ITGA9: variants seen among roughly 807,000 people sequenced by gnomAD.
ITGA9 encodes the protein integrin subunit alpha 9.
ITGA9 carries 56 observed loss-of-function variants against 127.8 expected under a neutral mutation model. The observed-to-expected ratio is 0.44, with a 90% CI of 0.35 to 0.55. ITGA9 has a LOEUF of 0.55. ITGA9 is among the 20% of genes least tolerant of loss of function. The pLI is 0.00. For missense variants in ITGA9, 1,196 were observed against 1,347.1 expected, an observed-to-expected ratio of 0.89 and a Z score of 1.76; for synonymous variants, 508 against 514.5, an observed-to-expected ratio of 0.99 and a Z score of 0.17.
chr3:37,697,305 CTGTTAT>C (rs1249970005), intron 18 of ITGA9, among the ~76,000 whole-genome samples: 5 of 117,720 alleles, frequency 4.2e-5, no homozygotes, highest in Non-Finnish European at 5.2e-5. Context: ...ACGACTACTT[CTGTTAT>C]TATTATTATT....
Position 37,732,714 on chromosome 3 carries a change from G to A in ITGA9, c.2070G>A (p.Glu690=). 1 of 1,607,016 alleles carries A rather than the reference G, an allele frequency of 6.2e-7. No individual in the cohort carries two copies. The highest frequency in any genetic ancestry group is 1.3e-5 in the African/African-American group (1 of 74,990). Residue 690 remains glutamate, a splice_region_variant and synonymous_variant, in exon 19 of 28, where the codon GAG becomes GAA. Transcript: ENST00000264741. ...TCTGTTGGTGCTTTTTCTTTCAGGA[G>A]GAGATGGGCATCTCCTGTGAGCTGC... ...ELFFINMWQK[E]EMGISCELLE...
At chr3:37,804,551 C>T (rs201391848) in intron 27 of ITGA9, among the ~76,000 whole-genome samples, 2 of 152,172 alleles carry the variant, frequency 1.3e-5, no homozygotes, top group Non-Finnish European at 2.9e-5. Context: ...TTCAGAGACC[C>T]GGAGTCCTTT....
chr3:37,633,032 AAACTCTGGAACT>A (rs1347759917), intron 16 of ITGA9, among the ~76,000 whole-genome samples: 2 of 152,344 alleles, frequency 1.3e-5, no homozygotes, highest in African/African-American at 2.4e-5. Context: ...GGGATACAAG[AAACTCTGGAACT>A]AACTCTCAAA....
chr3:37,627,789 C>A (rs1700190457), intron 15 of ITGA9, among the ~76,000 whole-genome samples: 1 of 152,120 alleles, frequency 6.6e-6, no homozygotes, highest in Admixed American at 6.5e-5. Flanking sequence ...TGCTGTATGT[C>A]ATCAAAAAGA....
At chr3:37,552,750 C>T (rs936008241) in intron 15 of ITGA9, among the ~76,000 whole-genome samples, 4 of 152,168 alleles carry the variant, frequency 2.6e-5, no homozygotes, top group Non-Finnish European at 4.4e-5. Flanking sequence ...TGTGGTGGCT[C>T]ACGCCTGTAA....
intron 23 of ITGA9, among the ~76,000 whole-genome samples, chr3:37,758,476 A>T (rs923471202): frequency 5.3e-5 from 8 of 151,130 alleles, no homozygotes; most frequent in African/African-American, 2.0e-4. Context: ...ATTATTATTA[A>T]TAATAAAAGG....
At chr3:37,774,197 T>C (rs1168878628) in intron 23 of ITGA9, among the ~76,000 whole-genome samples, 1 of 152,216 alleles carries the variant, frequency 6.6e-6, no homozygotes, top group African/African-American at 2.4e-5. Context: ...CATCAACAGC[T>C]TACGTATTGC....
At chr3:37,698,622 T>G (rs1032796607) in intron 18 of ITGA9, among the ~76,000 whole-genome samples, 1 of 152,226 alleles carries the variant, frequency 6.6e-6, no homozygotes, top group African/African-American at 2.4e-5. Context: ...TTATCTTTTG[T>G]GAATAAGGAT....
At chr3:37,591,083 A>T (rs929288652) in intron 15 of ITGA9, among the ~76,000 whole-genome samples, 3 of 151,966 alleles carry the variant, frequency 2.0e-5, no homozygotes, top group African/African-American at 4.8e-5. Context: ...GGAAACTTCC[A>T]TGCCACCCCT....
intron 17 of ITGA9, among the ~76,000 whole-genome samples, chr3:37,682,210 C>T (rs1239282414): frequency 1.3e-5 from 2 of 152,242 alleles, no homozygotes; most frequent in African/African-American, 4.8e-5. Flanking sequence ...TGTCTGTCCT[C>T]ATTGCTTCCA....
At chr3:37,555,069 T>G (rs537411927) in intron 15 of ITGA9, among the ~76,000 whole-genome samples, 1 of 152,210 alleles carries the variant, frequency 6.6e-6, no homozygotes, top group Non-Finnish European at 1.5e-5. Flanking sequence ...ACTCCAACAC[T>G]AAGAGCATCT....
At chr3:37,564,211 A>G (rs1699523484) in intron 15 of ITGA9, among the ~76,000 whole-genome samples, 3 of 152,210 alleles carry the variant, frequency 2.0e-5, no homozygotes. Flanking sequence ...TTTTCTATGA[A>G]TAACTTGGCT....
intron 26 of ITGA9, among the ~76,000 whole-genome samples, chr3:37,788,930 G>C (rs1201119607): frequency 6.6e-6 from 1 of 152,134 alleles, no homozygotes; most frequent in Non-Finnish European, 1.5e-5. Flanking sequence ...GTTTGTCAAA[G>C]CAGAAATGCC....
At chr3:37,494,262 G>T (rs929243764) in intron 4 of ITGA9, among the ~76,000 whole-genome samples, 2 of 152,292 alleles carry the variant, frequency 1.3e-5, no homozygotes, top group South Asian at 4.1e-4. Context: ...TCGCACACGA[G>T]GGGAGGAAGT....
At chr3:37,716,943 T>A (rs1218893994) in intron 18 of ITGA9, among the ~76,000 whole-genome samples, 1 of 152,202 alleles carries the variant, frequency 6.6e-6, no homozygotes, top group Non-Finnish European at 1.5e-5. Flanking sequence ...CTTGTAAAAC[T>A]GTCTTGCCCT....
At chr3:37,770,588 C>T (rs1043092616) in intron 23 of ITGA9, among the ~76,000 whole-genome samples, 5 of 152,222 alleles carry the variant, frequency 3.3e-5, no homozygotes, top group East Asian at 3.8e-4. Context: ...GACTTCCCTT[C>T]TCCACCTGGG....
rs1697502681 is a variant in ITGA9 at position 37,820,642 on chromosome 3, C to G, written c.*1653C>G. The G allele has an allele frequency of 6.6e-6, 1 of 152,136 alleles. No homozygotes were observed. The highest frequency in any genetic ancestry group is 1.5e-5 in the Non-Finnish European group (1 of 68,062). The allele number at this position is 152,136 out of a possible 1,614,324, so 9.4% of individuals were successfully genotyped here. The stretch of plus-strand genomic sequence containing the variant: ...GTAGCATGCTCAGCACTGACCTGGC[C>G]CATAGTGATCACTCAATAACTGTTA... On this transcript the variant is annotated 3_prime_UTR_variant, in exon 28 of 28. Transcript: ENST00000264741.
At chr3:37,508,105 T>G (rs1225171391) in intron 7 of ITGA9, among the ~76,000 whole-genome samples, 1 of 152,228 alleles carries the variant, frequency 6.6e-6, no homozygotes, top group East Asian at 1.9e-4. Flanking sequence ...TTTGGGAAAC[T>G]GCTTTGTCTA....
chr3:37,732,583 A>G (rs1696306066), intron 18 of ITGA9, 129 bp from the exon 19 acceptor site: 6 of 737,560 alleles, frequency 8.1e-6, no homozygotes, highest in Non-Finnish European at 1.2e-5. Context: ...CGGCCTGGTC[A>G]GGGCATCTCG....
Sources: allele counts gnomAD v4.1 joint callset (sites outside exome capture counted in the v4.1 genomes callset), GRCh38; gene constraint gnomAD v4.1.1; transcripts MANE v1.5; gene names NCBI Gene and HGNC (gene_info 2026-07-23, HGNC 2026-07-21).